SLC4A4: variants seen among roughly 807,000 people sequenced by gnomAD.
SLC4A4 encodes the protein solute carrier family 4 member 4.
In SLC4A4, 27 loss-of-function variants were observed where a neutral mutation model predicts 111.5. That is an observed-to-expected ratio of 0.24 (90% CI 0.18 to 0.33). The LOEUF is 0.33. SLC4A4 is among the 10% of genes least tolerant of loss of function. The pLI is 1.00. For missense variants in SLC4A4, 909 were observed against 1,315.5 expected (o/e 0.69, Z 4.78); for synonymous variants, 443 against 463.4 (o/e 0.96, Z 0.57).
At chr4:71,224,112 G>C (rs1228229514) in intron 1 of SLC4A4, among the ~76,000 whole-genome samples, 2 of 152,012 alleles carry the variant, frequency 1.3e-5, no homozygotes, top group African/African-American at 4.8e-5. Context: ...TCAGATACTG[G>C]AGAACTCACA....
At chr4:71,181,698 C>G (rs1745300126) in intron 2 of SLC4A4, among the ~76,000 whole-genome samples, 1 of 152,170 alleles carries the variant, frequency 6.6e-6, no homozygotes, top group South Asian at 2.1e-4. Flanking sequence ...AGGCACCATG[C>G]CAGATGCTAT....
intron 1 of SLC4A4, among the ~76,000 whole-genome samples, chr4:71,082,853 CT>C (rs34193763): frequency 0.11 from 15,460 of 142,554 alleles, 1,026 homozygotes; most frequent in African/African-American, 0.22. Context: ...CCATAATTTT[CT>C]TTTTTTTTTT....
intron 2 of SLC4A4, among the ~76,000 whole-genome samples, chr4:71,113,335 CT>C (rs1165802311): frequency 3.3e-5 from 5 of 152,186 alleles, no homozygotes; most frequent in Non-Finnish European, 7.3e-5. Context: ...GAAAAATCCT[CT>C]GGGAAACTGA....
At chr4:71,297,831 G>A (rs1447097902) in intron 3 of SLC4A4, among the ~76,000 whole-genome samples, 2 of 151,938 alleles carry the variant, frequency 1.3e-5, no homozygotes, top group African/African-American at 2.4e-5. Flanking sequence ...CAAGTGATCC[G>A]CCTGCCTCAG....
chr4:71,493,904 T>G (rs974639125), intron 15 of SLC4A4, among the ~76,000 whole-genome samples: 1 of 152,064 alleles, frequency 6.6e-6, no homozygotes, highest in Non-Finnish European at 1.5e-5. Context: ...GTTGCAATTT[T>G]TTCACTCCCA....
intron 2 of SLC4A4, among the ~76,000 whole-genome samples, chr4:71,118,675 A>T (rs745777999): frequency 3.3e-5 from 5 of 152,130 alleles, no homozygotes; most frequent in Non-Finnish European, 7.4e-5. Context: ...TTGATGTAGA[A>T]TTCTAGTTGT....
chr4:71,169,132 C>A (rs1018936069), intron 2 of SLC4A4, among the ~76,000 whole-genome samples: 3 of 151,870 alleles, frequency 2.0e-5, no homozygotes, highest in Admixed American at 6.6e-5. Flanking sequence ...GCCTCAGCCT[C>A]CCAAGTAGCT....
At position 71,206,619 on chromosome 4, in the gene SLC4A4, A is replaced by G. The variant is rs192812988; in HGVS notation, c.-2+19218A>G. Among the ~76,000 whole-genome samples the G allele has an allele frequency of 9.5e-4, 145 of 152,210 alleles. 1 individual carries two copies. The highest frequency in any genetic ancestry group is 1.7e-3 in the Non-Finnish European group (116 of 67,998). On this transcript the variant is annotated intron_variant, in intron 1 of 25. Transcript: ENST00000264485. ...TTAGTTCTGAGTATAATGCTTTATGAATATATATTAGACTTGACAAATGTG... is the reference window on the plus strand; with the variant it reads ...TTAGTTCTGAGTATAATGCTTTATGGATATATATTAGACTTGACAAATGTG...
chr4:71,429,533 C>G (rs909897447), intron 7 of SLC4A4, among the ~76,000 whole-genome samples: 1 of 152,076 alleles, frequency 6.6e-6, no homozygotes, highest in Non-Finnish European at 1.5e-5. Flanking sequence ...TAAAAGGAAC[C>G]TGGAATGTAA....
At chr4:71,439,047 C>T (rs1724423821) in intron 7 of SLC4A4, among the ~76,000 whole-genome samples, 1 of 151,960 alleles carries the variant, frequency 6.6e-6, no homozygotes, top group South Asian at 2.1e-4. Flanking sequence ...CTCTCCTCCC[C>T]TAGCTTCCCC....
intron 2 of SLC4A4, among the ~76,000 whole-genome samples, chr4:71,144,637 T>C (rs957953164): frequency 2.0e-5 from 3 of 151,532 alleles, no homozygotes; most frequent in African/African-American, 7.3e-5. Flanking sequence ...CAGGGGTTTG[T>C]AGTTCTCCTT....
At chr4:71,115,153 A>C (rs1446821330) in intron 2 of SLC4A4, among the ~76,000 whole-genome samples, 1 of 143,576 alleles carries the variant, frequency 7.0e-6, no homozygotes, top group Non-Finnish European at 1.5e-5. Flanking sequence ...ACATGGACAC[A>C]GGAAGGGGAA....
intron 2 of SLC4A4, among the ~76,000 whole-genome samples, chr4:71,144,331 T>G (rs984506987): frequency 2.7e-4 from 41 of 152,258 alleles, no homozygotes; most frequent in African/African-American, 7.7e-4. Flanking sequence ...CCAGTACCAT[T>G]TTGTTTTGGT....
chr4:71,201,686 G>A (rs939237267), intron 1 of SLC4A4, among the ~76,000 whole-genome samples: 1 of 152,142 alleles, frequency 6.6e-6, no homozygotes, highest in African/African-American at 2.4e-5. Flanking sequence ...CTCTATTATA[G>A]TGTGGTTCTT....
At chr4:71,118,272 C>G (rs1247342997) in intron 2 of SLC4A4, among the ~76,000 whole-genome samples, 1 of 152,046 alleles carries the variant, frequency 6.6e-6, no homozygotes, top group Non-Finnish European at 1.5e-5. Flanking sequence ...TTAGTGGTTT[C>G]CCTGAAAATT....
intron 7 of SLC4A4, among the ~76,000 whole-genome samples, chr4:71,422,854 A>G (rs1722688722): frequency 1.3e-5 from 2 of 152,214 alleles, no homozygotes; most frequent in Admixed American, 1.3e-4. Flanking sequence ...AATAAGAGCT[A>G]TCTATGACAA....
At chr4:71,328,592 T>C (rs1276363524) in intron 3 of SLC4A4, among the ~76,000 whole-genome samples, 1 of 152,146 alleles carries the variant, frequency 6.6e-6, no homozygotes, top group Non-Finnish European at 1.5e-5. Context: ...CACCTTTTCA[T>C]GTACCTGTTT....
chr4:71,245,655 T>A (rs545280328), intron 2 of SLC4A4, among the ~76,000 whole-genome samples: 2 of 152,146 alleles, frequency 1.3e-5, no homozygotes, highest in East Asian at 3.9e-4. Context: ...GCAGTAGAAC[T>A]CTGAAGCCGG....
chr4:71,407,685 CT>C (rs1720986058), intron 7 of SLC4A4, among the ~76,000 whole-genome samples: 1 of 151,996 alleles, frequency 6.6e-6, no homozygotes, highest in African/African-American at 2.4e-5. Context: ...AAGTAAAAGA[CT>C]TAGTTCATCT....
Sources: gnomAD v4.1 joint callset for allele counts (sites outside exome capture counted in the v4.1 genomes callset) on GRCh38, gnomAD v4.1.1 for gene constraint, MANE v1.5 for transcripts, NCBI Gene and HGNC (gene_info 2026-07-23, HGNC 2026-07-21) for gene names.